FHAD1: variants seen among roughly 807,000 people sequenced by gnomAD.
The protein encoded by FHAD1 is forkhead associated phosphopeptide binding domain 1, also known as forkhead-associated domain-containing protein 1.
FHAD1 carries 146 observed loss-of-function variants against 191.3 expected under a neutral mutation model. That is an observed-to-expected ratio of 0.76 (90% CI 0.67 to 0.88). FHAD1 has a LOEUF of 0.88. Among genes scored for constraint, FHAD1 ranks in the 40% least tolerant of loss-of-function variants. The pLI is 0.00. For synonymous variants in FHAD1, 616 were observed against 672.3 expected (o/e 0.92, Z 1.29); for missense variants, 1,635 against 1,785.8 (o/e 0.92, Z 1.52).
At chr1:15,342,749 T>A (rs1374411073) in intron 16 of FHAD1, among the ~76,000 whole-genome samples, 1 of 151,880 alleles carries the variant, frequency 6.6e-6, no homozygotes, top group Non-Finnish European at 1.5e-5. Flanking sequence ...AGCCTCGAAC[T>A]CCCAGGCTGC....
intron 28 of FHAD1, among the ~76,000 whole-genome samples, chr1:15,378,929 A>G (rs1005688315): frequency 2.0e-5 from 3 of 151,910 alleles, no homozygotes; most frequent in Admixed American, 6.6e-5. Context: ...TGGCTTTTCT[A>G]TGCCTTTGGC....
intron 2 of FHAD1, among the ~76,000 whole-genome samples, chr1:15,264,333 A>G (rs531145059): frequency 9.9e-5 from 15 of 152,210 alleles, no homozygotes; most frequent in African/African-American, 1.9e-4. Flanking sequence ...GTAGTTTTCA[A>G]TGTACAAGTC....
At chr1:15,274,475 G>A (rs1336510785) in intron 3 of FHAD1, among the ~76,000 whole-genome samples, 1 of 152,046 alleles carries the variant, frequency 6.6e-6, no homozygotes, top group Non-Finnish European at 1.5e-5. Flanking sequence ...AGCTGGGCAT[G>A]GTGGCGGGCG....
intron 29 of FHAD1, 24 bp downstream of exon 29, chr1:15,380,820 T>C (rs1379828907): frequency 2.7e-5 from 42 of 1,543,328 alleles, no homozygotes; most frequent in Non-Finnish European, 3.5e-5. Flanking sequence ...GCATCCACCC[T>C]GCTCCTATCC....
intron 28 of FHAD1, among the ~76,000 whole-genome samples, chr1:15,376,351 A>G (rs1274033311): frequency 1.3e-5 from 2 of 152,128 alleles, no homozygotes; most frequent in Non-Finnish European, 2.9e-5. Flanking sequence ...CGGCCTCCCA[A>G]AGTGCTGGGA....
chr1:15,280,200 GGGGA>G (rs1470610143), intron 3 of FHAD1, among the ~76,000 whole-genome samples: 3 of 152,098 alleles, frequency 2.0e-5, no homozygotes, highest in Non-Finnish European at 4.4e-5. Context: ...CCGAGTAACT[GGGGA>G]TTGAACAAAG....
At chr1:15,317,224 G>A (rs1674747878) in intron 9 of FHAD1, among the ~76,000 whole-genome samples, 1 of 152,074 alleles carries the variant, frequency 6.6e-6, no homozygotes, top group Non-Finnish European at 1.5e-5. Context: ...TTATGTAGAA[G>A]GTAACCATAA....
upstream of FHAD1, among the ~76,000 whole-genome samples, chr1:15,244,619 C>T (rs116506037): frequency 0.01 from 1,574 of 152,134 alleles, 32 homozygotes; most frequent in African/African-American, 0.036. The surrounding 1 kb of genome is among the most constrained non-coding windows in gnomAD (Gnocchi z 5.1). Context: ...GACAGGAGGC[C>T]GGGCTTCAGA....
At chr1:15,330,945 G>A (rs1681045434) in intron 14 of FHAD1, among the ~76,000 whole-genome samples, 1 of 152,156 alleles carries the variant, frequency 6.6e-6, no homozygotes, top group Admixed American at 6.5e-5. Flanking sequence ...TTGGCGGGCT[G>A]CCGTAAGAGA....
chr1:15,367,390 A>G, intron 24 of FHAD1, 73 bp from the exon 25 acceptor site: 1 of 1,493,664 alleles, frequency 6.7e-7, no homozygotes, highest in East Asian at 2.5e-5. Flanking sequence ...CACGTACACA[A>G]GAGGCTGAGG....
chr1:15,313,652 C>T (rs543305006), intron 8 of FHAD1, among the ~76,000 whole-genome samples: 2 of 152,266 alleles, frequency 1.3e-5, no homozygotes, highest in Middle Eastern at 3.4e-3. Flanking sequence ...CAGTCACCTT[C>T]GAAGCAGAAT....
At chr1:15,290,920 T>C (rs1256771252) in intron 4 of FHAD1, among the ~76,000 whole-genome samples, 1 of 152,038 alleles carries the variant, frequency 6.6e-6, no homozygotes, top group Non-Finnish European at 1.5e-5. Context: ...TTCACCATGT[T>C]AGCCAGGATG....
chr1:15,365,658 T>C (rs1456688132), intron 23 of FHAD1, among the ~76,000 whole-genome samples, 169 bp from the exon 24 acceptor site: 1 of 151,908 alleles, frequency 6.6e-6, no homozygotes, highest in Non-Finnish European at 1.5e-5. Context: ...ATGAAAAAAG[T>C]CGTTTTTCTT....
upstream of FHAD1, among the ~76,000 whole-genome samples, chr1:15,244,044 A>G: frequency 7.2e-6 from 1 of 138,880 alleles, no homozygotes; most frequent in East Asian, 2.0e-4. The surrounding 1 kb of genome is among the most constrained non-coding windows in gnomAD (Gnocchi z 5.1). Flanking sequence ...GTAATCTAGA[A>G]ACATCTATTT....
At chr1:15,295,246 T>C (rs1558031941) in intron 4 of FHAD1, among the ~76,000 whole-genome samples, 3 of 152,206 alleles carry the variant, frequency 2.0e-5, no homozygotes, top group Admixed American at 1.3e-4. Flanking sequence ...AAATATGATA[T>C]GAATGTCATG....
At chr1:15,263,081 G>T (rs922643897) in intron 2 of FHAD1, among the ~76,000 whole-genome samples, 1 of 152,092 alleles carries the variant, frequency 6.6e-6, no homozygotes, top group South Asian at 2.1e-4. Flanking sequence ...TCATATACTT[G>T]TTGGCCATTT....
At chr1:15,259,622 G>A (rs1217403825) in intron 2 of FHAD1, among the ~76,000 whole-genome samples, 2 of 152,206 alleles carry the variant, frequency 1.3e-5, no homozygotes, top group African/African-American at 2.4e-5. Flanking sequence ...GCAGAACAGC[G>A]AAAATCACTT....
intron 20 of FHAD1, among the ~76,000 whole-genome samples, 196 bp downstream of exon 20, chr1:15,353,180 GT>G (rs1392550768): frequency 6.6e-6 from 1 of 152,138 alleles, no homozygotes; most frequent in African/African-American, 2.4e-5. Flanking sequence ...ATCTCCTTGA[GT>G]TGTTGTGAGA....
chr1:15,368,075 C>T (rs1036398299), intron 25 of FHAD1, among the ~76,000 whole-genome samples: 3 of 152,058 alleles, frequency 2.0e-5, no homozygotes, highest in Non-Finnish European at 2.9e-5. Context: ...GGGTTCAAGC[C>T]ATTCTCTTGC....
Sources: allele counts gnomAD v4.1 joint callset (sites outside exome capture counted in the v4.1 genomes callset), GRCh38; gene constraint gnomAD v4.1.1; non-coding constraint Gnocchi (gnomAD v3.1); transcripts MANE v1.5; gene names NCBI Gene and HGNC (gene_info 2026-07-23, HGNC 2026-07-21).